PCDH9: variants seen among roughly 807,000 people sequenced by gnomAD.
PCDH9 encodes protocadherin-9.
PCDH9 carries 24 observed loss-of-function variants against 70.6 expected under a neutral mutation model. The observed-to-expected ratio is 0.34, with a 90% CI of 0.25 to 0.48. PCDH9 has a LOEUF of 0.48. Among genes scored for constraint, PCDH9 ranks in the 20% least tolerant of loss-of-function variants. PCDH9 has a pLI of 0.99. For synonymous variants in PCDH9, 562 were observed against 558.5 expected (o/e 1.01, Z -0.09); for missense variants, 1,281 against 1,503.6 (o/e 0.85, Z 2.45).
At chr13:67,191,741 C>T (rs1413399570) in intron 2 of PCDH9, among the ~76,000 whole-genome samples, 1 of 152,074 alleles carries the variant, frequency 6.6e-6, no homozygotes, top group East Asian at 1.9e-4. Context: ...TCTCTACCTG[C>T]CCTGTCTCCG....
At chr13:67,097,504 G>A (rs1197671223) in intron 2 of PCDH9, among the ~76,000 whole-genome samples, 1 of 151,976 alleles carries the variant, frequency 6.6e-6, no homozygotes, top group Non-Finnish European at 1.5e-5. Context: ...TACTTTAATT[G>A]TTAAGCTGTT....
chr13:66,649,657 C>T (rs1405289478), intron 3 of PCDH9, among the ~76,000 whole-genome samples: 1 of 151,946 alleles, frequency 6.6e-6, no homozygotes, highest in Non-Finnish European at 1.5e-5. Flanking sequence ...AACGGAAAAA[C>T]ACAGCATTTT....
chr13:66,821,689 A>C (rs2080714537), intron 3 of PCDH9, among the ~76,000 whole-genome samples: 1 of 152,180 alleles, frequency 6.6e-6, no homozygotes, highest in Non-Finnish European at 1.5e-5. Flanking sequence ...AGAATCCCCA[A>C]CTTAAGAATA....
chr13:66,969,966 A>G (rs2083491560), intron 2 of PCDH9, among the ~76,000 whole-genome samples: 1 of 152,062 alleles, frequency 6.6e-6, no homozygotes, highest in South Asian at 2.1e-4. Context: ...TTGGTTATGT[A>G]TCCAAAGTAA....
intron 2 of PCDH9, among the ~76,000 whole-genome samples, chr13:66,969,866 T>C (rs537554034): frequency 6.6e-6 from 1 of 152,136 alleles, no homozygotes; most frequent in African/African-American, 2.4e-5. Flanking sequence ...TGCTTTTTAT[T>C]TTGGAGAGGG....
At chr13:67,098,042 CA>C (rs2086358440) in intron 2 of PCDH9, among the ~76,000 whole-genome samples, 1 of 152,060 alleles carries the variant, frequency 6.6e-6, no homozygotes, top group Admixed American at 6.6e-5. Context: ...CACATGGATG[CA>C]AAAACGCTTA....
chr13:66,392,279 T>C (rs753857194), intron 4 of PCDH9, among the ~76,000 whole-genome samples: 14 of 152,080 alleles, frequency 9.2e-5, no homozygotes, highest in Non-Finnish European at 1.3e-4. Context: ...GTGAGACATA[T>C]ATTTTAAGAT....
At chr13:66,824,303 G>GTATATA (rs60742942) in intron 3 of PCDH9, among the ~76,000 whole-genome samples, 40 of 128,366 alleles carry the variant, frequency 3.1e-4, no homozygotes, top group South Asian at 5.3e-4. Context: ...TTGTTTGAAA[G>GTATATA]TATATATATA....
chr13:66,563,262 G>A (rs1319961857), intron 4 of PCDH9, among the ~76,000 whole-genome samples: 5 of 152,102 alleles, frequency 3.3e-5, no homozygotes, highest in Non-Finnish European at 5.9e-5. Flanking sequence ...ATCAAGCTGT[G>A]AGACCAAAAA....
intron 2 of PCDH9, among the ~76,000 whole-genome samples, chr13:66,987,143 A>T (rs2083908490): frequency 2.0e-5 from 3 of 152,104 alleles, no homozygotes; most frequent in Admixed American, 2.0e-4. Flanking sequence ...ATTTAAAAGT[A>T]AATAAAATTG....
intron 4 of PCDH9, among the ~76,000 whole-genome samples, chr13:66,498,403 A>G (rs1161903596): frequency 6.6e-6 from 1 of 151,990 alleles, no homozygotes; most frequent in Non-Finnish European, 1.5e-5. Flanking sequence ...TGATTGCTAC[A>G]AGGTTTTCCC....
chr13:66,689,848 T>C (rs1166944319), intron 3 of PCDH9, among the ~76,000 whole-genome samples: 2 of 152,184 alleles, frequency 1.3e-5, no homozygotes, highest in African/African-American at 4.8e-5. Flanking sequence ...ACTATCCACT[T>C]GAGAAAAAGC....
At chr13:66,609,793 T>C (rs1302816248) in intron 4 of PCDH9, among the ~76,000 whole-genome samples, 1 of 152,054 alleles carries the variant, frequency 6.6e-6, no homozygotes, top group African/African-American at 2.4e-5. Context: ...TCATAAAATA[T>C]TCATAAAATA....
chr13:66,372,724 G>A (rs1212081869), intron 4 of PCDH9, among the ~76,000 whole-genome samples: 1 of 151,784 alleles, frequency 6.6e-6, no homozygotes, highest in African/African-American at 2.4e-5. Context: ...TGGGTATGAA[G>A]CAATTTCATC....
chr13:66,572,354 T>A (rs190816499), intron 4 of PCDH9, among the ~76,000 whole-genome samples: 1 of 152,318 alleles, frequency 6.6e-6, no homozygotes, highest in East Asian at 1.9e-4. Context: ...ACCCATTAGC[T>A]GACTTCTCTT....
At chr13:66,752,289 G>A (rs977160662) in intron 3 of PCDH9, among the ~76,000 whole-genome samples, 1 of 152,142 alleles carries the variant, frequency 6.6e-6, no homozygotes, top group South Asian at 2.1e-4. Context: ...TTTTAAAATT[G>A]CAAATGAAAA....
intron 2 of PCDH9, among the ~76,000 whole-genome samples, chr13:67,108,621 A>C (rs972553036): frequency 6.6e-6 from 1 of 152,252 alleles, no homozygotes; most frequent in African/African-American, 2.4e-5. Flanking sequence ...CACTTATTAC[A>C]GGAATAAAGA....
intron 2 of PCDH9, among the ~76,000 whole-genome samples, chr13:66,917,902 C>T (rs1337486013): frequency 6.6e-6 from 1 of 151,286 alleles, no homozygotes; most frequent in Non-Finnish European, 1.5e-5. Context: ...ACCTCTCTCT[C>T]ATTCCCTCTC....
intron 3 of PCDH9, among the ~76,000 whole-genome samples, chr13:66,776,389 CA>C (rs1349024465): frequency 6.6e-6 from 1 of 150,892 alleles, no homozygotes; most frequent in Non-Finnish European, 1.5e-5. Context: ...CCCATTGTCT[CA>C]GCCCAAAATC....
Sources: allele counts gnomAD v4.1 joint callset (sites outside exome capture counted in the v4.1 genomes callset), GRCh38; gene constraint gnomAD v4.1.1; transcripts MANE v1.5; gene names NCBI Gene and HGNC (gene_info 2026-07-23, HGNC 2026-07-21).